The following SLC25A30 variants were observed in gnomAD, a reference collection of about 807,000 sequenced individuals.
The protein encoded by SLC25A30 is solute carrier family 25 member 30, also known as kidney mitochondrial carrier protein 1.
A neutral mutation model predicts 42.7 loss-of-function variants in SLC25A30; 29 were observed. The observed-to-expected ratio is 0.68, with a 90% CI of 0.51 to 0.93. The LOEUF (loss-of-function observed/expected upper bound fraction) is 0.93, where lower values mean the gene tolerates loss of function less well. Among genes scored for constraint, SLC25A30 ranks in the 40% least tolerant of loss-of-function variants. The probability of loss-of-function intolerance (pLI) is 0.00; values close to 1 mark genes in which losing one functional copy is unlikely to be tolerated. For synonymous variants in SLC25A30, 124 were observed against 131.0 expected (o/e 0.95, Z 0.37); for missense variants, 300 against 359.7 (o/e 0.83, Z 1.34).
chr13:45,401,296 T>C, intron 6 of SLC25A30, 89 bp from the exon 7 acceptor site: 2 of 1,350,786 alleles, frequency 1.5e-6, no homozygotes, highest in African/African-American at 1.4e-5. Flanking sequence ...ATCCATAAAC[T>C]ATGATCAAGG....
intron 9 of SLC25A30, 57 bp from the exon 10 acceptor site, chr13:45,396,072 T>C (rs967443785): frequency 7.4e-6 from 12 of 1,613,974 alleles, no homozygotes; most frequent in African/African-American, 1.3e-5. Flanking sequence ...CTCCAGTGCA[T>C]AACAACAGAC....
chr13:45,424,570 A>AATATATAAAT, the SLC25A30 span, among the ~76,000 whole-genome samples: 708 of 27,428 alleles, frequency 0.026, 101 homozygotes, highest in Middle Eastern at 0.071. Flanking sequence ...TAAATGTATA[A>AATATATAAAT]ATATATAAAT....
chr13:45,423,760 A>ATATATATAAT, the SLC25A30 span, among the ~76,000 whole-genome samples: 1 of 74,886 alleles, frequency 1.3e-5, no homozygotes, highest in Non-Finnish European at 2.2e-5. Context: ...ATATATATAA[A>ATATATATAAT]TATATAAAAA....
the SLC25A30 span, among the ~76,000 whole-genome samples, chr13:45,424,007 A>T: frequency 1.3e-5 from 1 of 78,098 alleles, no homozygotes; most frequent in East Asian, 3.5e-4. Context: ...ATATAAAAAT[A>T]TATATAAATC....
upstream of SLC25A30, among the ~76,000 whole-genome samples, chr13:45,420,707 G>C (rs1883870698): frequency 6.6e-6 from 1 of 151,974 alleles, no homozygotes; most frequent in Non-Finnish European, 1.5e-5. Flanking sequence ...CTTTTGTTTT[G>C]TTTTGTTTTT....
rs1881153820 is a variant in SLC25A30, at chr13:45,394,248, G to GC, written c.*1725dup. The stretch of plus-strand genomic sequence containing the variant: ...AGGTAACCCTACCCCACTGCACCCC[G>GC]CCCCCGCCCCCACCTTCTGTTATCC... On this transcript the variant is annotated 3_prime_UTR_variant, in exon 10 of 10. Transcript: ENST00000519676. The GC allele has an allele frequency of 2.3e-5, 15 of 657,032 alleles. No individual in the cohort carries two copies. The highest frequency in any genetic ancestry group is 2.5e-5 in the Non-Finnish European group (14 of 569,362). The allele number at this position is 657,032 out of a possible 1,614,324, so 40.7% of individuals were successfully genotyped here.
the SLC25A30 span, among the ~76,000 whole-genome samples, chr13:45,427,804 T>C: frequency 6.9e-6 from 1 of 143,936 alleles, no homozygotes; most frequent in African/African-American, 2.6e-5. Context: ...AGTGCAGTGG[T>C]GCCATCTCGG....
At chr13:45,423,840 A>T in the SLC25A30 span, among the ~76,000 whole-genome samples, 1 of 74,884 alleles carries the variant, frequency 1.3e-5, no homozygotes, top group Non-Finnish European at 2.4e-5. Context: ...TTATATATAT[A>T]AATATGTAAA....
At chr13:45,406,440 GCTCA>G (rs1258913647) in intron 3 of SLC25A30, among the ~76,000 whole-genome samples, 11 of 152,276 alleles carry the variant, frequency 7.2e-5, no homozygotes, top group African/African-American at 2.6e-4. Context: ...CAAATTATTA[GCTCA>G]CTAAGTGAAA....
At chr13:45,428,372 C>T in the SLC25A30 span, among the ~76,000 whole-genome samples, 1 of 150,992 alleles carries the variant, frequency 6.6e-6, no homozygotes, top group South Asian at 2.1e-4. Context: ...CCACACCCGG[C>T]TAATTTTTGT....
chr13:45,410,530 G>A (rs953297343), intron 2 of SLC25A30, among the ~76,000 whole-genome samples: 6 of 151,706 alleles, frequency 4.0e-5, no homozygotes, highest in African/African-American at 7.3e-5. Context: ...GCCGGGCGTG[G>A]TCGTGCACAT....
At chr13:45,421,089 C>T (rs1176967508), upstream of SLC25A30, among the ~76,000 whole-genome samples, 1 of 150,538 alleles carries the variant, frequency 6.6e-6, no homozygotes, top group East Asian at 2.0e-4. Flanking sequence ...ACAAGAATAA[C>T]AAAAAAAGGC....
intron 1 of SLC25A30, among the ~76,000 whole-genome samples, chr13:45,417,329 T>G (rs1288547097): frequency 6.6e-6 from 1 of 152,226 alleles, no homozygotes; most frequent in Non-Finnish European, 1.5e-5. Flanking sequence ...TATTTAATTC[T>G]TGGTAAGTTC....
At chr13:45,423,507 A>C in the SLC25A30 span, among the ~76,000 whole-genome samples, 2 of 134,140 alleles carry the variant, frequency 1.5e-5, no homozygotes, top group African/African-American at 5.6e-5. Context: ...AATTAAGAAT[A>C]GTTTATATAT....
chr13:45,395,804 G>T lies in SLC25A30; in HGVS notation c.*170C>A. 6.7e-7 allele frequency: 1 copy of T among 1,495,170 alleles called. No homozygotes were observed. 92.6% of individuals were successfully genotyped at this position (1,495,170 alleles called of 1,614,324 possible). A position where few individuals can be genotyped will look rare whatever the true frequency, so the allele number is the denominator to read the frequency against. ...TTTATGCCATTAAACGTTTGATGAA[G>T]AGCATCCAATGCCAACACACAGCAA... On this transcript the variant is annotated 3_prime_UTR_variant, in exon 10 of 10. Transcript: ENST00000519676.
chr13:45,428,754 C>T, the SLC25A30 span, among the ~76,000 whole-genome samples: 1 of 151,678 alleles, frequency 6.6e-6, no homozygotes, highest in African/African-American at 2.4e-5. Context: ...AACTCCTGAC[C>T]TCATGATCTG....
intron 5 of SLC25A30, 68 bp from the exon 6 acceptor site, chr13:45,402,438 C>T: frequency 1.6e-6 from 2 of 1,239,924 alleles, no homozygotes; most frequent in South Asian, 2.4e-5. Context: ...CCAATGTATA[C>T]CTCTGACAGT....
Position 45,402,366 on chromosome 13 carries a change from C to T in SLC25A30, c.398G>A (p.Arg133Gln), listed in dbSNP as rs139047613. The change falls in exon 6 of 10, where the codon CGG (arginine) becomes CAG (glutamine). Residue 133 changes from arginine to glutamine, a missense_variant. Coordinates refer to ENST00000519676, the MANE Select transcript of SLC25A30 (RefSeq NM_001010875.4). ...AATGGTGTTGCTTTGCGCTTGCATC[C>T]GAATCTAGAGATTATTTTAAAGACC... ...IANPTDVLKIRMQAQSNTIQG... is the reference protein window; with the variant it reads ...IANPTDVLKIQMQAQSNTIQG... 73 of 1,613,114 alleles carry T rather than the reference C, an allele frequency of 4.5e-5. No homozygotes were observed. The highest frequency in any genetic ancestry group is 5.9e-5 in the Non-Finnish European group (70 of 1,179,348).
chr13:45,423,090 C>A (rs941399421), upstream of SLC25A30, among the ~76,000 whole-genome samples: 5 of 152,120 alleles, frequency 3.3e-5, no homozygotes, highest in African/African-American at 1.2e-4. Context: ...TTGCTCACTA[C>A]TGTATTCTTA....
Sources: allele counts gnomAD v4.1 joint callset (sites outside exome capture counted in the v4.1 genomes callset), GRCh38; gene constraint gnomAD v4.1.1; transcripts MANE v1.5; gene names NCBI Gene and HGNC (gene_info 2026-07-23, HGNC 2026-07-21).